The following LIPT1 variants were observed in gnomAD, a reference collection of about 807,000 sequenced individuals.
LIPT1 encodes lipoyl amidotransferase LIPT1, mitochondrial.
A neutral mutation model predicts 25.1 loss-of-function variants in LIPT1; 22 were observed. The ratio of observed to expected loss-of-function variants is 0.88; its 90% CI spans 0.63 to 1.25. The LOEUF (loss-of-function observed/expected upper bound fraction) is 1.25, where lower values mean the gene tolerates loss of function less well. Among genes scored for constraint, LIPT1 ranks in the 50% most tolerant of loss-of-function variants. The pLI, the probability that LIPT1 is intolerant of heterozygous loss-of-function variation, is 0.00. For synonymous variants in LIPT1, 131 were observed against 150.8 expected, an observed-to-expected ratio of 0.87 and a Z score of 0.96; for missense variants, 399 against 432.8, an observed-to-expected ratio of 0.92 and a Z score of 0.69.
At chr2:99,161,122 A>C (rs2093783694) in intron 1 of LIPT1, among the ~76,000 whole-genome samples, 1 of 150,770 alleles carries the variant, frequency 6.6e-6, no homozygotes, top group Admixed American at 6.6e-5. Context: ...AAATTTAGCC[A>C]CACGTGGTGG....
At chr2:99,155,614 G>A (rs994404049) in intron 1 of LIPT1, 4 of 444,786 alleles carry the variant, frequency 9.0e-6, no homozygotes, top group Admixed American at 7.7e-5. Flanking sequence ...AAGATTCAAA[G>A]TGATTTTGAA....
intron 1 of LIPT1, chr2:99,155,436 C>G: frequency 2.2e-6 from 1 of 453,798 alleles, no homozygotes; most frequent in Non-Finnish European, 4.4e-6. Context: ...GAAGAAGCTG[C>G]GCCTGCCTAG....
At chr2:99,159,709 T>A (rs145246717) in intron 1 of LIPT1, among the ~76,000 whole-genome samples, 1,631 of 152,298 alleles carry the variant, frequency 0.011, 9 homozygotes, top group Middle Eastern at 0.027. Flanking sequence ...ATGAATATGG[T>A]ACTGTGTCAA....
At chr2:99,155,671 G>T in intron 1 of LIPT1, 2 of 392,818 alleles carry the variant, frequency 5.1e-6, no homozygotes, top group Non-Finnish European at 1.0e-5. Flanking sequence ...CTATCCCAAC[G>T]ACTGTGAAAT....
Position 99,155,507 on chromosome 2 carries a change from C to A in LIPT1, c.-2+456C>A, listed in dbSNP as rs191394331. The A allele has an allele frequency of 7.7e-3, 3,528 of 455,994 alleles. 150 individuals are homozygous for A. The highest frequency in any genetic ancestry group is 0.077 in the Admixed American group (3,284 of 42,516). 28.2% of individuals were successfully genotyped at this position (455,994 alleles called of 1,614,324 possible). A position where few individuals can be genotyped will look rare whatever the true frequency, so the allele number is the denominator to read the frequency against. ...TTCAGTGATGGGGAGCCGTGTTTGG[C>A]AGTGCAGAGGTAGCGAAGTGTCCCA... On this transcript the variant is annotated intron_variant, in intron 1 of 1. Transcript: ENST00000651691.
At chr2:99,155,738 A>C (rs1417390504) in intron 1 of LIPT1, among the ~76,000 whole-genome samples, 2 of 152,208 alleles carry the variant, frequency 1.3e-5, no homozygotes, top group Non-Finnish European at 2.9e-5. Flanking sequence ...GGAGCATAGA[A>C]TAAAAAAAGA....
chr2:99,159,163 C>T (rs1396096390), intron 1 of LIPT1, among the ~76,000 whole-genome samples: 3 of 151,736 alleles, frequency 2.0e-5, no homozygotes, highest in South Asian at 2.1e-4. Context: ...CTCCTGACCT[C>T]GTGATCCGCC....
intron 1 of LIPT1, among the ~76,000 whole-genome samples, chr2:99,160,018 C>G (rs896388281): frequency 6.6e-6 from 1 of 152,194 alleles, no homozygotes; most frequent in African/African-American, 2.4e-5. Flanking sequence ...TAAACTGATT[C>G]AACTTTTTGT....
At position 99,162,107 on chromosome 2, in the gene LIPT1, G is replaced by T. The variant is rs1574811310; in HGVS notation, c.150G>T (p.Trp50Cys). 6.2e-6 allele frequency: 10 copies of T among 1,614,072 alleles called. No individual in the cohort carries two copies. Among genetic ancestry groups the T allele is most frequent in the Non-Finnish European group, 8.5e-6 (10 of 1,180,004 alleles). Residue 50 changes from tryptophan (W) to cysteine (C), a missense_variant, in exon 2 of 2, where the codon TGG becomes TGT. Transcript: ENST00000651691. ...ATCAAAATCTGGCTGTGGAAGACTG[G>T]ATCCATGACCATATGAATCTAGAAG... is the stretch of plus-strand genomic sequence containing the variant. ...DVYQNLAVEDWIHDHMNLEGK... is the reference protein window; with the variant it reads ...DVYQNLAVEDCIHDHMNLEGK...
chr2:99,162,352 T>G lies in LIPT1; in HGVS notation c.395T>G (p.Leu132Ter), dbSNP rs2093801063. Residue 132 changes from leucine (L) to a stop codon, truncating the protein, a stop_gained, in exon 2 of 2, where the codon TTA (leucine) becomes TGA (stop). Transcript: ENST00000651691. LOFTEE classifies it high-confidence loss of function. ...TATGATAGAATGGAAAATCTGAAAT[T>G]AATTGTGAGAGCTCTGAATGCTGTC... ...KKYDRMENLK[L>*]IVRALNAVQP... The G allele has an allele frequency of 1.2e-6, 2 of 1,613,856 alleles. No homozygotes were observed. The highest frequency in any genetic ancestry group is 1.7e-6 in the Non-Finnish European group (2 of 1,179,976).
intron 1 of LIPT1, among the ~76,000 whole-genome samples, chr2:99,159,540 A>G (rs1165101744): frequency 3.3e-5 from 5 of 152,198 alleles, no homozygotes; most frequent in African/African-American, 9.7e-5. Flanking sequence ...GCAGATTCGT[A>G]TAACAGCTGA....
At chr2:99,159,483 CT>C (rs1203579849) in intron 1 of LIPT1, among the ~76,000 whole-genome samples, 9 of 152,224 alleles carry the variant, frequency 5.9e-5, no homozygotes, top group Admixed American at 3.9e-4. Flanking sequence ...ACTGTTCCCC[CT>C]GTCCCTAGTC....
At chr2:99,160,905 CA>C (rs1455217993) in intron 1 of LIPT1, among the ~76,000 whole-genome samples, 1 of 152,098 alleles carries the variant, frequency 6.6e-6, no homozygotes, top group Non-Finnish European at 1.5e-5. Flanking sequence ...CCTAAAATTA[CA>C]GACTAAGAGA....
chr2:99,157,400 C>T (rs894784332), intron 1 of LIPT1, among the ~76,000 whole-genome samples: 5 of 152,176 alleles, frequency 3.3e-5, no homozygotes, highest in African/African-American at 1.2e-4. Context: ...AGCATCTAAA[C>T]ATGCTCAGAT....
At chr2:99,159,073 C>T (rs1233099960) in intron 1 of LIPT1, among the ~76,000 whole-genome samples, 2 of 152,178 alleles carry the variant, frequency 1.3e-5, no homozygotes, top group East Asian at 1.9e-4. Flanking sequence ...GGACTACAGG[C>T]GCCCGCCACC....
rs1452836817 is a variant in LIPT1 at position 99,162,311 on chromosome 2, TA to T, written c.355del (p.Thr119GlnfsTer12). On this transcript the variant is annotated frameshift_variant, in exon 2 of 2. Transcript: ENST00000651691. LOFTEE classifies it high-confidence loss of function. ...DMGNINLTFF[T>X]TKKKYDRMEN... ...TGGGTAATATCAATTTGACTTTCTT[TA>T]CAACCAAAAAAAAGTATGATAGAAT... 1.2e-6 allele frequency: 2 copies of T among 1,613,018 alleles called. No homozygotes were observed. The highest frequency in any genetic ancestry group is 1.7e-6 in the Non-Finnish European group (2 of 1,179,958).
At chr2:99,160,701 C>T (rs1273031041) in intron 1 of LIPT1, among the ~76,000 whole-genome samples, 1 of 152,194 alleles carries the variant, frequency 6.6e-6, no homozygotes, top group Non-Finnish European at 1.5e-5. Flanking sequence ...TGCATACTCC[C>T]AGTTGCCTCT....
At chr2:99,161,852 G>A (rs1016437066) in intron 1 of LIPT1, 105 bp from the exon 2 acceptor site, 1 of 1,020,700 alleles carries the variant, frequency 9.8e-7, no homozygotes, top group Admixed American at 2.8e-5. Context: ...AACTGCACTG[G>A]ATACTTTAAG....
intron 1 of LIPT1, chr2:99,155,354 G>T: frequency 2.6e-6 from 1 of 388,302 alleles, no homozygotes; most frequent in South Asian, 1.9e-5. Flanking sequence ...GCACACGACC[G>T]TAATGAGATT....
Sources: allele counts gnomAD v4.1 joint callset (sites outside exome capture counted in the v4.1 genomes callset), GRCh38; gene constraint gnomAD v4.1.1; transcripts MANE v1.5; gene names NCBI Gene and HGNC (gene_info 2026-07-23, HGNC 2026-07-21).